Variants in ENTPD5 observed in about 807,000 individuals in gnomAD.
ENTPD5 encodes the protein nucleoside diphosphate phosphatase ENTPD5.
A neutral mutation model predicts 60.2 loss-of-function variants in ENTPD5; 49 were observed. The ratio of observed to expected loss-of-function variants is 0.81; its 90% CI spans 0.65 to 1.03. The LOEUF (loss-of-function observed/expected upper bound fraction) is 1.03, where lower values mean the gene tolerates loss of function less well. Ranked by LOEUF, ENTPD5 falls within the 50% of genes least tolerant of loss-of-function variation. ENTPD5 has a pLI of 0.00. For synonymous variants in ENTPD5, 187 were observed against 185.4 expected (o/e 1.01, Z -0.07); for missense variants, 480 against 507.6 (o/e 0.95, Z 0.52).
intron 5 of ENTPD5, chr14:73,986,254 C>T (rs1002383342): frequency 5.9e-5 from 9 of 152,162 alleles, no homozygotes; most frequent in African/African-American, 2.2e-4. Flanking sequence ...TATTTTATTT[C>T]AACATGGCCT....
chr14:73,972,521 A>G (rs2057271395), intron 13 of ENTPD5, among the ~76,000 whole-genome samples: 1 of 152,214 alleles, frequency 6.6e-6, no homozygotes. Context: ...TTGTGATAAG[A>G]AGAAAAGTTA....
downstream of ENTPD5, chr14:73,962,021 C>A: frequency 8.4e-7 from 1 of 1,186,318 alleles, no homozygotes; most frequent in South Asian, 1.2e-5. Context: ...AATTTCCACT[C>A]ACTGCAGCCT....
intron 5 of ENTPD5, among the ~76,000 whole-genome samples, chr14:73,984,488 G>A (rs2057819280): frequency 6.6e-6 from 1 of 152,098 alleles, no homozygotes; most frequent in Non-Finnish European, 1.5e-5. Context: ...TCATCATATG[G>A]CACACAGTAG....
intron 1 of ENTPD5, chr14:74,018,345 T>C (rs749482222): frequency 1.2e-4 from 18 of 152,118 alleles, no homozygotes; most frequent in Non-Finnish European, 2.6e-4. Flanking sequence ...AAGTCCTCCC[T>C]AGAGAAATGG....
At chr14:73,956,786 T>C (rs1173437836), downstream of ENTPD5, 2 of 152,210 alleles carry the variant, frequency 1.3e-5, no homozygotes, top group East Asian at 3.8e-4. Context: ...AATATCTTAA[T>C]GTTCTAGAGA....
At chr14:73,955,938 C>T (rs1566685156), downstream of ENTPD5, 13 of 1,613,924 alleles carry the variant, frequency 8.1e-6, no homozygotes, top group Non-Finnish European at 1.0e-5. Context: ...GGTGAGGCCC[C>T]CATCTTCCAC....
rs1217034452 is a variant in ENTPD5, at chr14:73,994,109, TTGTC to T, written c.-70-5941_-70-5938del. Reference sequence around the variant, plus strand: ...AGTTATTTTAAAATGGCATTAGGCATTGTCTTATTTTTTTAAACTTTATTTATTT... The same window carrying T: ...AGTTATTTTAAAATGGCATTAGGCATTTATTTTTTTAAACTTTATTTATTT... On this transcript the variant is annotated intron_variant, in intron 3 of 15. Coordinates refer to ENST00000334696, the MANE Select transcript of ENTPD5 (RefSeq NM_001249.5). Among the ~76,000 whole-genome samples the T allele has an allele frequency of 3.3e-5, 5 of 152,112 alleles. No homozygotes were observed. In the South Asian group the frequency reaches 6.2e-4, roughly 19 times the overall value.
chr14:73,966,578 A>T lies in ENTPD5; in HGVS notation c.*350T>A, dbSNP rs916941376. On this transcript the variant is annotated 3_prime_UTR_variant, in exon 16 of 16. Transcript: ENST00000334696. ...ATTGATGGGTCTTGGGATTGCAATAAGTCAGTTTACCATTTAAGAGGAAAA... is the reference window on the plus strand; with the variant it reads ...ATTGATGGGTCTTGGGATTGCAATATGTCAGTTTACCATTTAAGAGGAAAA... 4.9e-6 allele frequency: 1 copy of T among 203,876 alleles called. No individual in the cohort carries two copies. The highest frequency in any genetic ancestry group is 2.3e-5 in the African/African-American group (1 of 42,564). The allele number at this position is 203,876 out of a possible 1,614,324, so 12.6% of individuals were successfully genotyped here. A position where few individuals can be genotyped will look rare whatever the true frequency, so the allele number is the denominator to read the frequency against.
intron 3 of ENTPD5, among the ~76,000 whole-genome samples, chr14:73,990,207 T>C (rs1289811440): frequency 2.6e-5 from 4 of 151,974 alleles, no homozygotes; most frequent in Non-Finnish European, 5.9e-5. Context: ...ATAATAATTG[T>C]AGGGTGGCTC....
At chr14:73,971,993 A>G in intron 13 of ENTPD5, 85 bp from the exon 14 acceptor site, 3 of 809,234 alleles carry the variant, frequency 3.7e-6, no homozygotes, top group Non-Finnish European at 6.5e-6. Flanking sequence ...TTATATACAC[A>G]TGTACATAAT....
intron 1 of ENTPD5, among the ~76,000 whole-genome samples, chr14:74,017,273 G>A (rs139935455): frequency 6.6e-6 from 1 of 151,006 alleles, no homozygotes; most frequent in East Asian, 2.0e-4. Context: ...GGCCGAGATC[G>A]TGCTATTGCA....
At chr14:74,010,336 C>A (rs1346523953) in intron 3 of ENTPD5, among the ~76,000 whole-genome samples, 1 of 152,156 alleles carries the variant, frequency 6.6e-6, no homozygotes, top group African/African-American at 2.4e-5. Context: ...GGGCAGATCA[C>A]CTGAGGTCGG....
At chr14:73,955,374 C>G, downstream of ENTPD5, 1 of 1,062,918 alleles carries the variant, frequency 9.4e-7, no homozygotes, top group Non-Finnish European at 1.5e-6. Context: ...CAACCTCTTA[C>G]GTAACAGGAT....
chr14:73,992,075 C>T (rs971619583), intron 3 of ENTPD5, among the ~76,000 whole-genome samples: 7 of 151,730 alleles, frequency 4.6e-5, no homozygotes, highest in Non-Finnish European at 1.0e-4. Context: ...CTGCCATTTT[C>T]TTCCGGTATT....
intron 6 of ENTPD5, 62 bp downstream of exon 6, chr14:73,982,956 C>A: frequency 6.4e-7 from 1 of 1,552,100 alleles, no homozygotes. Flanking sequence ...AGGCTAAAAA[C>A]TCATAAAGTA....
chr14:73,959,576 G>A (rs1412824090), downstream of ENTPD5: 2 of 1,613,182 alleles, frequency 1.2e-6, no homozygotes, highest in Admixed American at 1.7e-5. Context: ...ATACAGAAAG[G>A]TGTTGTTTTT....
chr14:73,960,464 T>A (rs1864206723), downstream of ENTPD5: 1 of 992,596 alleles, frequency 1.0e-6, no homozygotes, highest in Admixed American at 5.4e-5. Context: ...CACTGCTCTG[T>A]AGTAGCAACA....
chr14:73,998,807 G>A (rs1316124198), intron 3 of ENTPD5, among the ~76,000 whole-genome samples: 3 of 152,090 alleles, frequency 2.0e-5, no homozygotes, highest in Non-Finnish European at 4.4e-5. Flanking sequence ...AGGGATGGGG[G>A]CCCCTGAGGA....
At chr14:73,981,699 T>C (rs867615193) in intron 6 of ENTPD5, among the ~76,000 whole-genome samples, 2 of 147,124 alleles carry the variant, frequency 1.4e-5, no homozygotes, top group Non-Finnish European at 3.0e-5. Context: ...CTCAGTTAAC[T>C]GGGAGGCTAA....
Sources: gnomAD v4.1 joint callset for allele counts (sites outside exome capture counted in the v4.1 genomes callset) on GRCh38, gnomAD v4.1.1 for gene constraint, MANE v1.5 for transcripts, NCBI Gene and HGNC (gene_info 2026-07-23, HGNC 2026-07-21) for gene names.